The following XKRX variants were observed in gnomAD, a reference collection of about 807,000 sequenced individuals.
XKRX encodes XK related X-linked.
Under a neutral mutation model 22.4 loss-of-function variants are expected in XKRX, and 11 were observed. That is an observed-to-expected ratio of 0.49 (90% CI 0.31 to 0.81). The LOEUF is 0.81. Ranked by LOEUF, XKRX falls within the 40% of genes least tolerant of loss-of-function variation. The pLI is 0.05. For missense variants in XKRX, 320 were observed against 336.5 expected (o/e 0.95, Z 0.38); for synonymous variants, 114 against 132.2 (o/e 0.86, Z 0.94).
At chrX:100,923,711 CA>C (rs1208606846) in intron 1 of XKRX, among the ~76,000 whole-genome samples, 9 of 111,566 alleles carry the variant, frequency 8.1e-5, no homozygotes. Flanking sequence ...GTTTTCCTAG[CA>C]AAATAATGAA....
chrX:100,925,867 T>C (rs1048702223), intron 1 of XKRX, among the ~76,000 whole-genome samples: 1 of 111,948 alleles, frequency 8.9e-6, no homozygotes, highest in African/African-American at 3.2e-5. Context: ...TCCTGTGTTG[T>C]TGTTGTTATT....
Position 100,914,185 on chromosome X carries a change from T to C in XKRX, c.*153A>G. 1.6e-6 allele frequency: 1 copy of C among 633,027 alleles called. No individual in the cohort carries two copies. Among genetic ancestry groups the C allele is most frequent in the South Asian group, 3.0e-5 (1 of 33,867 alleles). The allele number at this position is 633,027 out of a possible 1,213,427, so 52.2% of individuals were successfully genotyped here. The stretch of plus-strand genomic sequence containing the variant: ...TGGTAACTCTTAAGAAAATAAAACC[T>C]ATTTGGGAGTTGCTCTTTCTTCTGA... On this transcript the variant is annotated 3_prime_UTR_variant, in exon 3 of 3. Transcript: ENST00000372956.
chrX:100,941,944 T>C, the XKRX span, among the ~76,000 whole-genome samples: 5 of 109,658 alleles, frequency 4.6e-5, no homozygotes, highest in African/African-American at 1.7e-4. Flanking sequence ...GCCTCCTGGG[T>C]TCAAGCGATT....
the XKRX span, among the ~76,000 whole-genome samples, chrX:100,952,948 C>T: frequency 8.9e-6 from 1 of 111,986 alleles, no homozygotes. Context: ...AACTGGATAT[C>T]CACCTGCAAA....
the XKRX span, among the ~76,000 whole-genome samples, chrX:100,959,239 G>A: frequency 9.0e-6 from 1 of 111,690 alleles, no homozygotes; most frequent in Non-Finnish European, 1.9e-5. Context: ...AAAGATGGAA[G>A]CTAACCAATG....
chrX:100,923,352 T>C (rs190563555), intron 1 of XKRX, among the ~76,000 whole-genome samples: 2 of 111,868 alleles, frequency 1.8e-5, no homozygotes, highest in East Asian at 5.6e-4. Flanking sequence ...CTAGACATGT[T>C]GCCCAGACTG....
upstream of XKRX, among the ~76,000 whole-genome samples, chrX:100,932,833 T>C (rs2085525092): frequency 8.9e-6 from 1 of 112,087 alleles, no homozygotes; most frequent in African/African-American, 3.2e-5. Context: ...ATGGCTTCCC[T>C]CTAAAGAATG....
chrX:100,891,641 A>G, the XKRX span, among the ~76,000 whole-genome samples: 2 of 109,404 alleles, frequency 1.8e-5, no homozygotes, highest in East Asian at 5.7e-4. Context: ...CTGTAATCCC[A>G]GCACTTTGGG....
the XKRX span, among the ~76,000 whole-genome samples, chrX:100,908,141 G>A: frequency 4.6e-5 from 5 of 109,753 alleles, no homozygotes; most frequent in Non-Finnish European, 9.5e-5. Flanking sequence ...GTGTGTGTTT[G>A]AAACGGAGTC....
the XKRX span, chrX:100,956,744 C>T: frequency 3.6e-6 from 2 of 555,103 alleles, no homozygotes; most frequent in African/African-American, 4.5e-5. Flanking sequence ...ATCATTATGC[C>T]ACTTGCTGAA....
the XKRX span, among the ~76,000 whole-genome samples, chrX:100,943,940 G>A: frequency 9.0e-6 from 1 of 111,702 alleles, no homozygotes; most frequent in Non-Finnish European, 1.9e-5. Flanking sequence ...TTTTCTCTTG[G>A]TTAAATATCT....
upstream of XKRX, among the ~76,000 whole-genome samples, chrX:100,932,543 C>T (rs886869750): frequency 3.6e-5 from 4 of 112,358 alleles, no homozygotes; most frequent in African/African-American, 1.3e-4. Flanking sequence ...ACAAAGAGCG[C>T]ATCTAAAAGC....
At chrX:100,902,815 A>G in the XKRX span, among the ~76,000 whole-genome samples, 1 of 108,917 alleles carries the variant, frequency 9.2e-6, no homozygotes, top group African/African-American at 3.3e-5. Flanking sequence ...CAGTGGCGTG[A>G]TCTCGTCTCA....
chrX:100,912,469 G>A (rs1338606470), downstream of XKRX, among the ~76,000 whole-genome samples: 1 of 111,962 alleles, frequency 8.9e-6, no homozygotes, highest in Non-Finnish European at 1.9e-5. Flanking sequence ...TTGGTTAACA[G>A]CCCTGCTACT....
chrX:100,888,459 C>T, the XKRX span: 5 of 1,000,222 alleles, frequency 5.0e-6, no homozygotes, highest in East Asian at 9.2e-5. Flanking sequence ...TCTCTCATTA[C>T]CGCACAGTCT....
the XKRX span, among the ~76,000 whole-genome samples, chrX:100,935,846 T>G: frequency 8.9e-6 from 1 of 112,264 alleles, no homozygotes; most frequent in South Asian, 3.7e-4. Flanking sequence ...GAGTTAACAC[T>G]GATGGCAGTT....
chrX:100,924,535 G>T (rs1411076103), intron 1 of XKRX, among the ~76,000 whole-genome samples: 1 of 111,539 alleles, frequency 9.0e-6, no homozygotes. Context: ...TGGAAGAGAA[G>T]CAACTAGAAC....
Position 100,928,807 on chromosome X carries a change from CAGA to C in XKRX, c.-506_-504del, listed in dbSNP as rs1226429547. 4.0e-6 allele frequency: 3 copies of C among 755,347 alleles called. No individual in the cohort carries two copies. Among genetic ancestry groups the C allele is most frequent in the South Asian group, 1.4e-4 (2 of 14,727 alleles). The allele number at this position is 755,347 out of a possible 1,213,427, so 62.2% of individuals were successfully genotyped here. A position where few individuals can be genotyped will look rare whatever the true frequency, so the allele number is the denominator to read the frequency against. ...CTGAGCCAGGGCAGAAGAGCGGGCG[CAGA>C]AGAAGGAGGGCAGAAGAGGGGATTC... On this transcript the variant is annotated 5_prime_UTR_variant, in exon 1 of 3. Transcript: ENST00000372956.
In XKRX at chrX:100,914,480, T is replaced by C. The variant is rs2085421701; in HGVS notation, c.1208A>G (p.Gln403Arg). The C allele has an allele frequency of 9.9e-6, 12 of 1,211,866 alleles. No homozygotes were observed. Among genetic ancestry groups the C allele is most frequent in the Non-Finnish European group, 1.2e-5 (11 of 895,574 alleles). ...GAGTGAGCGCAATGGATGCAAGTAC[T>C]GGAAGAAAAGGAGCATGAAGCCAAT... Reference protein sequence around the residue: ...ISIGFMLLFFQYLHPLRSLFT... With the variant: ...ISIGFMLLFFRYLHPLRSLFT... Residue 403 changes from glutamine (Q) to arginine (R), a missense_variant, in exon 3 of 3, where the codon CAG becomes CGG. Physicochemically the swap from Gln to Arg is conservative, Grantham distance 43 (BLOSUM62 1). Transcript: ENST00000372956.
Sources: gnomAD v4.1 joint callset for allele counts (sites outside exome capture counted in the v4.1 genomes callset) on GRCh38, gnomAD v4.1.1 for gene constraint, MANE v1.5 for transcripts, NCBI Gene and HGNC (gene_info 2026-07-23, HGNC 2026-07-21) for gene names.